The following COG5 variants were observed in gnomAD, a reference collection of about 807,000 sequenced individuals.
COG5 encodes the protein component of oligomeric golgi complex 5, also known as conserved oligomeric Golgi complex subunit 5.
In COG5, 86 loss-of-function variants were observed where a neutral mutation model predicts 110.4. The ratio of observed to expected loss-of-function variants is 0.78; its 90% CI spans 0.65 to 0.93. The LOEUF is 0.93. Ranked by LOEUF, COG5 falls within the 40% of genes least tolerant of loss-of-function variation. COG5 has a pLI of 0.00. For missense variants in COG5, 1,077 were observed against 987.0 expected (o/e 1.09, Z -1.22); for synonymous variants, 360 against 334.6 (o/e 1.08, Z -0.83).
Position 107,523,849 on chromosome 7 carries a change from C to T in COG5, c.538+3388G>A, listed in dbSNP as rs374214603. Among the ~76,000 whole-genome samples, 47 of 151,590 alleles carry T rather than the reference C, an allele frequency of 3.1e-4. 1 individual carries two copies. The South Asian group carries it at 9.2e-3, about 30-fold the overall frequency. The stretch of plus-strand genomic sequence containing the variant: ...AAAAAAAAAAAGAATGTAAACATTA[C>T]AACAACTTTGAAAAATAATCTTGGC... On this transcript the variant is annotated intron_variant, in intron 6 of 21. Coordinates refer to ENST00000297135, the MANE Select transcript of COG5 (RefSeq NM_006348.5).
intron 7 of COG5, among the ~76,000 whole-genome samples, chr7:107,390,221 T>C (rs1790519304): frequency 6.6e-6 from 1 of 152,140 alleles, no homozygotes; most frequent in Non-Finnish European, 1.5e-5. Context: ...TTATGGCCTT[T>C]ATAGTCTCAG....
chr7:107,524,294 T>C (rs943827797), intron 6 of COG5, among the ~76,000 whole-genome samples: 1 of 152,202 alleles, frequency 6.6e-6, no homozygotes, highest in Non-Finnish European at 1.5e-5. Flanking sequence ...TCACTCCACA[T>C]CCCAGTCTCA....
At chr7:107,323,397 G>A (rs1355714208) in intron 11 of COG5, among the ~76,000 whole-genome samples, 1 of 152,054 alleles carries the variant, frequency 6.6e-6, no homozygotes, top group Non-Finnish European at 1.5e-5. Context: ...CAGGAGTGGT[G>A]GTACATTCCT....
chr7:107,556,776 T>TC (rs201987053), intron 2 of COG5, among the ~76,000 whole-genome samples: 3 of 151,342 alleles, frequency 2.0e-5, no homozygotes, highest in Admixed American at 6.6e-5. Context: ...TTTCTTTCTT[T>TC]TTTTTTTTTT....
intron 21 of COG5, chr7:107,209,032 T>TA (rs1798972830): frequency 2.0e-6 from 2 of 980,570 alleles, no homozygotes; most frequent in South Asian, 9.4e-5. Flanking sequence ...ACCTGGGCAC[T>TA]AGGAATTTTC....
At chr7:107,280,298 T>C (rs1001460750) in intron 14 of COG5, among the ~76,000 whole-genome samples, 2 of 151,986 alleles carry the variant, frequency 1.3e-5, no homozygotes, top group Admixed American at 6.6e-5. Context: ...TGAATGAAAA[T>C]AGTACCATAT....
intron 10 of COG5, among the ~76,000 whole-genome samples, chr7:107,349,347 A>G (rs974741083): frequency 1.3e-5 from 2 of 152,222 alleles, no homozygotes; most frequent in Non-Finnish European, 2.9e-5. Flanking sequence ...AGTGAAAACA[A>G]AAACAAATCC....
intron 6 of COG5, among the ~76,000 whole-genome samples, chr7:107,462,387 T>G (rs1796047891): frequency 6.6e-6 from 1 of 151,982 alleles, no homozygotes; most frequent in African/African-American, 2.4e-5. Flanking sequence ...AAAGACTGAG[T>G]GTATGGTGAA....
intron 11 of COG5, among the ~76,000 whole-genome samples, chr7:107,304,613 T>C (rs1378132011): frequency 6.6e-6 from 1 of 152,206 alleles, no homozygotes; most frequent in Non-Finnish European, 1.5e-5. Context: ...AGCTCTAATG[T>C]ATTCTTTATC....
In COG5 at chr7:107,561,256, T is replaced by A. The variant is rs1228782296; in HGVS notation, c.94+2547A>T. Among the ~76,000 whole-genome samples the A allele has an allele frequency of 3.3e-5, 5 of 152,344 alleles. No individual in the cohort carries two copies. The Middle Eastern group carries it at 0.01, about 311-fold the overall frequency. On this transcript the variant is annotated intron_variant, in intron 1 of 21. Transcript: ENST00000297135. ...CTCACCAATTTTCATACTATGCATCTGTGCTCACCAAGCCTATCAATCCGA... is the reference window on the plus strand; with the variant it reads ...CTCACCAATTTTCATACTATGCATCAGTGCTCACCAAGCCTATCAATCCGA...
At chr7:107,348,532 T>C (rs1417211416) in intron 10 of COG5, among the ~76,000 whole-genome samples, 9 of 152,226 alleles carry the variant, frequency 5.9e-5, no homozygotes, top group Admixed American at 5.9e-4. Flanking sequence ...GTTGTATTTT[T>C]CTAGAAATCT....
intron 5 of COG5, among the ~76,000 whole-genome samples, chr7:107,538,775 A>G (rs1801772585): frequency 6.6e-6 from 1 of 152,174 alleles, no homozygotes; most frequent in South Asian, 2.1e-4. Flanking sequence ...AGCACACACA[A>G]ATATTATTTA....
intron 11 of COG5, among the ~76,000 whole-genome samples, chr7:107,309,073 T>C (rs547197453): frequency 6.6e-6 from 1 of 150,718 alleles, no homozygotes; most frequent in East Asian, 1.9e-4. Flanking sequence ...TACTACTGAA[T>C]GACAATTATT....
chr7:107,563,624 T>C (rs1191213837), intron 1 of COG5, 179 bp downstream of exon 1: 5 of 701,632 alleles, frequency 7.1e-6, no homozygotes, highest in Admixed American at 2.1e-5. Flanking sequence ...AGGGAGCCAG[T>C]CCCAGAGTAA....
intron 2 of COG5, among the ~76,000 whole-genome samples, chr7:107,554,831 C>T (rs1414528860): frequency 6.6e-6 from 1 of 151,906 alleles, no homozygotes. Flanking sequence ...TAGTAAGAGC[C>T]CCGAGCTCTT....
At chr7:107,410,231 G>A (rs1792181088) in intron 7 of COG5, among the ~76,000 whole-genome samples, 1 of 152,136 alleles carries the variant, frequency 6.6e-6, no homozygotes, top group South Asian at 2.1e-4. Flanking sequence ...TCAGCTATCT[G>A]TGTTTTAACC....
At chr7:107,317,370 G>A (rs557727505) in intron 11 of COG5, among the ~76,000 whole-genome samples, 3 of 152,238 alleles carry the variant, frequency 2.0e-5, no homozygotes, top group South Asian at 4.2e-4. Flanking sequence ...TGTGCAAAGG[G>A]TTCCCTTTGA....
At chr7:107,214,406 C>T (rs1421070269) in intron 19 of COG5, among the ~76,000 whole-genome samples, 2 of 152,066 alleles carry the variant, frequency 1.3e-5, no homozygotes, top group African/African-American at 2.4e-5. Context: ...AAAAACTTTC[C>T]CAAGCAACAG....
chr7:107,334,272 A>G (rs573375761), intron 10 of COG5, among the ~76,000 whole-genome samples: 8 of 147,360 alleles, frequency 5.4e-5, no homozygotes, highest in South Asian at 4.3e-4. Flanking sequence ...GCTGGAGGAC[A>G]TTATGTTAAG....
Sources: gnomAD v4.1 joint callset for allele counts (sites outside exome capture counted in the v4.1 genomes callset) on GRCh38, gnomAD v4.1.1 for gene constraint, MANE v1.5 for transcripts, NCBI Gene and HGNC (gene_info 2026-07-23, HGNC 2026-07-21) for gene names.